CDT1: variants seen among roughly 807,000 people sequenced by gnomAD.
CDT1 encodes DNA replication factor Cdt1.
Under a neutral mutation model 49.3 loss-of-function variants are expected in CDT1, and 66 were observed. The ratio of observed to expected loss-of-function variants is 1.34; its 90% CI spans 1.10 to 1.64. The LOEUF (loss-of-function observed/expected upper bound fraction) is 1.64, where lower values mean the gene tolerates loss of function less well. Ranked by LOEUF, CDT1 falls within the 40% of genes most tolerant of loss-of-function variation. The pLI, the probability that CDT1 is intolerant of heterozygous loss-of-function variation, is 0.00. For synonymous variants in CDT1, 424 were observed against 347.4 expected (o/e 1.22, Z -2.45); for missense variants, 958 against 807.7 (o/e 1.19, Z -2.26).
Position 88,803,946 on chromosome 16 carries a change from G to T in CDT1, c.115G>T (p.Ala39Ser). Residue 39 changes from alanine (A) to serine (S), a missense_variant, in exon 1 of 10, where the codon GCC becomes TCC. Ala to Ser is a moderately conservative substitution (Grantham distance 99). Coordinates refer to ENST00000301019, the MANE Select transcript of CDT1 (RefSeq NM_030928.4). ...TPSPARPALR[A>S]PASATSGSRK... ...CAGCCCCGCCAGGCCCGCACTCCGCGCCCCGGCCTCCGCTACCAGTGGCAG... is the reference window on the plus strand; with the variant it reads ...CAGCCCCGCCAGGCCCGCACTCCGCTCCCCGGCCTCCGCTACCAGTGGCAG... 1 of 1,404,528 alleles carries T rather than the reference G, an allele frequency of 7.1e-7. No homozygotes were observed. The allele number at this position is 1,404,528 out of a possible 1,614,324, so 87.0% of individuals were successfully genotyped here.
At chr16:88,806,989 G>A (rs1908880216) in intron 7 of CDT1, 62 bp from the exon 8 acceptor site, 2 of 1,604,584 alleles carry the variant, frequency 1.2e-6, no homozygotes, top group African/African-American at 2.7e-5. Flanking sequence ...GGACTCCTGG[G>A]CAGACAGCCA....
chr16:88,809,146 C>T lies in CDT1; in HGVS notation c.*868C>T, dbSNP rs1908997567. ...ACACAGGCAGCCTGGAGAAGCTGGG[C>T]AGGACAAGTAGGACATCCCTGGAGC... is the stretch of plus-strand genomic sequence containing the variant. On this transcript the variant is annotated 3_prime_UTR_variant, in exon 10 of 10. Transcript: ENST00000301019. 7.4e-6 allele frequency: 2 copies of T among 270,006 alleles called. No individual in the cohort carries two copies. Among genetic ancestry groups the T allele is most frequent in the South Asian group, 7.4e-5 (2 of 27,136 alleles). The allele number at this position is 270,006 out of a possible 1,614,324, so 16.7% of individuals were successfully genotyped here. A position where few individuals can be genotyped will look rare whatever the true frequency, so the allele number is the denominator to read the frequency against.
At chr16:88,806,291 G>A in intron 6 of CDT1, 170 bp downstream of exon 6, 1 of 963,020 alleles carries the variant, frequency 1.0e-6, no homozygotes, top group Non-Finnish European at 1.6e-6. Context: ...CGCAGGCACT[G>A]AGGAGGTCCC....
intron 2 of CDT1, 32 bp downstream of exon 2, chr16:88,804,699 G>A (rs1908779807): frequency 3.1e-6 from 5 of 1,612,158 alleles, no homozygotes; most frequent in African/African-American, 2.7e-5. Flanking sequence ...AGATGCGGGA[G>A]GGCTGAGTGG....
chr16:88,807,616 G>C (rs1300648466), intron 9 of CDT1, 134 bp downstream of exon 9: 2 of 914,952 alleles, frequency 2.2e-6, no homozygotes, highest in African/African-American at 1.6e-5. Flanking sequence ...CTGGCCTCTT[G>C]CACTGGTGTG....
chr16:88,806,173 C>G, intron 6 of CDT1, 52 bp downstream of exon 6: 1 of 1,422,044 alleles, frequency 7.0e-7, no homozygotes, highest in African/African-American at 1.4e-5. Flanking sequence ...AGCACTGCCT[C>G]AGCACCTAAC....
Position 88,806,536 on chromosome 16 carries a change from G to A in CDT1, c.984G>A (p.Leu328=), listed in dbSNP as rs1908863016. 1.9e-6 allele frequency: 3 copies of A among 1,610,436 alleles called. No homozygotes were observed. The highest frequency in any genetic ancestry group is 1.3e-5 in the African/African-American group (1 of 74,906). The change falls in exon 7 of 10, where the codon CTG becomes CTA. Residue 328 remains leucine, a synonymous_variant. Transcript: ENST00000301019. ...CCATGGTGGTGCCGGAGGACCAGCT[G>A]ACCCGCTGGCACCCGCGCTTCAACG... is the stretch of plus-strand genomic sequence containing the variant. The part of the protein sequence containing the change: ...SPAMVVPEDQ[L]TRWHPRFNVD...
chr16:88,806,785 C>A (rs1335346945), intron 7 of CDT1, 111 bp downstream of exon 7: 2 of 1,393,286 alleles, frequency 1.4e-6, no homozygotes, highest in East Asian at 5.0e-5. Flanking sequence ...CATCTGGCTT[C>A]CTCCTTGGCT....
In CDT1 at chr16:88,808,629, G is replaced by A; in HGVS notation, c.*351G>A. On this transcript the variant is annotated 3_prime_UTR_variant, in exon 10 of 10. Transcript: ENST00000301019. ...GGCAATATGGGGTTGGGTAGTGTGG[G>A]TGGCAGGCCATCCCCTCTAATCTTG... The A allele has an allele frequency of 3.0e-6, 1 of 330,538 alleles. No individual in the cohort carries two copies. The highest frequency in any genetic ancestry group is 5.6e-6 in the Non-Finnish European group (1 of 177,278). 20.5% of individuals were successfully genotyped at this position (330,538 alleles called of 1,614,324 possible). A position where few individuals can be genotyped will look rare whatever the true frequency, so the allele number is the denominator to read the frequency against.
At position 88,807,132 on chromosome 16, in the gene CDT1, A is replaced by T. The variant is rs758571492; in HGVS notation, c.1204A>T (p.Thr402Ser). 7 of 1,611,598 alleles carry T rather than the reference A, an allele frequency of 4.3e-6. No homozygotes were observed. Among genetic ancestry groups the T allele is most frequent in the Non-Finnish European group, 5.9e-6 (7 of 1,179,562 alleles). Residue 402 changes from threonine (T) to serine (S), a missense_variant, in exon 8 of 10, where the codon ACC (threonine) becomes TCC (serine). Thr to Ser is a moderately conservative substitution (Grantham distance 58, BLOSUM62 1). Transcript: ENST00000301019. ...PGSPRPALPATPPATPPAASP... is the reference protein window; with the variant it reads ...PGSPRPALPASPPATPPAASP... ...GTCTCCCAGGCCAGCACTGCCGGCT[A>T]CCCCACCAGCCACCCCGCCTGCAGC... is the stretch of plus-strand genomic sequence containing the variant.
Position 88,808,403 on chromosome 16 carries a change from G to A in CDT1, c.*125G>A, listed in dbSNP as rs1024789712. The A allele has an allele frequency of 4.9e-5, 56 of 1,142,668 alleles. No individual in the cohort carries two copies. Among genetic ancestry groups the A allele is most frequent in the Non-Finnish European group, 6.5e-5 (53 of 813,896 alleles). 70.8% of individuals were successfully genotyped at this position (1,142,668 alleles called of 1,614,324 possible). ...TCCCCAGCGCCCCTGAGGGCCAGAG[G>A]CAGATGTGGGCTGCAGGCTGCACAG... is the stretch of plus-strand genomic sequence containing the variant. On this transcript the variant is annotated 3_prime_UTR_variant, in exon 10 of 10. Transcript: ENST00000301019.
intron 7 of CDT1, 146 bp downstream of exon 7, chr16:88,806,820 T>C: frequency 1.6e-6 from 2 of 1,236,200 alleles, no homozygotes; most frequent in Admixed American, 2.1e-5. Flanking sequence ...GTTGGTGGCA[T>C]TTGCCCTCTG....
chr16:88,808,772 A>G lies in CDT1; in HGVS notation c.*494A>G, dbSNP rs1361229110. 11 of 167,626 alleles carry G rather than the reference A, an allele frequency of 6.6e-5. No homozygotes were observed. In the East Asian group the frequency reaches 8.3e-4, roughly 13 times the overall value. 10.4% of individuals were successfully genotyped at this position (167,626 alleles called of 1,614,324 possible). ...AGCACTTTGGGAGGCCAAGGTGGGC[A>G]GATCACGAGGTCAAGAGATCGAGAC... On this transcript the variant is annotated 3_prime_UTR_variant, in exon 10 of 10. Transcript: ENST00000301019.
intron 3 of CDT1, 28 bp from the exon 4 acceptor site, chr16:88,805,412 T>G: frequency 6.2e-7 from 1 of 1,611,434 alleles, no homozygotes; most frequent in Non-Finnish European, 8.5e-7. Context: ...GCCTACTGCT[T>G]CTCATGAGGC....
rs900968138 is a variant in CDT1 at position 88,803,928 on chromosome 16, G to T, written c.97G>T (p.Ala33Ser). The T allele has an allele frequency of 8.0e-6, 11 of 1,375,810 alleles. No individual in the cohort carries two copies. The highest frequency in any genetic ancestry group is 9.4e-6 in the Non-Finnish European group (10 of 1,062,802). The allele number at this position is 1,375,810 out of a possible 1,614,324, so 85.2% of individuals were successfully genotyped here. The stretch of plus-strand genomic sequence containing the variant: ...GCTGGCCTGCCGCACCCCCAGCCCC[G>T]CCAGGCCCGCACTCCGCGCCCCGGC... ...PKLACRTPSPARPALRAPASA... is the reference protein window; with the variant it reads ...PKLACRTPSPSRPALRAPASA... The change falls in exon 1 of 10, where the codon GCC becomes TCC. Residue 33 changes from alanine (A) to serine (S), a missense_variant. Ala to Ser is a moderately conservative substitution (Grantham distance 99). Transcript: ENST00000301019.
intron 3 of CDT1, among the ~76,000 whole-genome samples, chr16:88,805,186 CT>C (rs1908803669): frequency 6.6e-6 from 1 of 152,250 alleles, no homozygotes; most frequent in South Asian, 2.1e-4. Flanking sequence ...GCTGACGAAA[CT>C]GCGCTGGGGA....
chr16:88,804,844 A>G lies in CDT1; in HGVS notation c.434A>G (p.Gln145Arg), dbSNP rs765088059. ...ARVRALKASA[Q>R]DAGESCTPEA... ...GTCCGGGCGCTGAAGGCCAGTGCCC[A>G]GGATGCTGGGGAGTCCTGCACCCCA... The change falls in exon 3 of 10, where the codon CAG becomes CGG. Residue 145 changes from glutamine to arginine, a missense_variant. Coordinates refer to ENST00000301019, the MANE Select transcript of CDT1 (RefSeq NM_030928.4). 1.9e-6 allele frequency: 3 copies of G among 1,611,184 alleles called. No homozygotes were observed. Among genetic ancestry groups the G allele is most frequent in the African/African-American group, 1.3e-5 (1 of 75,010 alleles).
Position 88,806,643 on chromosome 16 carries a change from T to C in CDT1, c.1091T>C (p.Leu364Pro). 1 of 1,610,948 alleles carries C rather than the reference T, an allele frequency of 6.2e-7. No homozygotes were observed. The highest frequency in any genetic ancestry group is 1.1e-5 in the South Asian group (1 of 90,800). ...TEKLTTAQEV[L>P]ARARNLISPR... Reference sequence around the variant, plus strand: ...AAGCTCACCACTGCTCAGGAGGTGCTGGCCCGGGCCCGCAACCTGATTTCA... The same window carrying C: ...AAGCTCACCACTGCTCAGGAGGTGCCGGCCCGGGCCCGCAACCTGATTTCA... Residue 364 changes from leucine (L) to proline (P), a missense_variant, in exon 7 of 10, where the codon CTG (leucine) becomes CCG (proline). Transcript: ENST00000301019.
In CDT1 at chr16:88,807,405, C is replaced by T. The variant is rs771038378; in HGVS notation, c.1400C>T (p.Ser467Phe). 1 of 1,612,898 alleles carries T rather than the reference C, an allele frequency of 6.2e-7. No homozygotes were observed. Among genetic ancestry groups the T allele is most frequent in the Non-Finnish European group, 8.5e-7 (1 of 1,179,994 alleles). ...LARVLRSVFV[S>F]ERKPALSMEV... is the part of the protein sequence containing the mutation. ...CGCGTGCTGCGGAGCGTCTTTGTGT[C>T]CGAACGCAAGCCTGCGCTCAGCATG... Residue 467 changes from serine to phenylalanine, a missense_variant, in exon 9 of 10, where the codon TCC (serine) becomes TTC (phenylalanine). Physicochemically the swap from Ser to Phe is radical, Grantham distance 155 (BLOSUM62 -2). Transcript: ENST00000301019.
Sources: gnomAD v4.1 joint callset for allele counts (sites outside exome capture counted in the v4.1 genomes callset) on GRCh38, gnomAD v4.1.1 for gene constraint, MANE v1.5 for transcripts, NCBI Gene and HGNC (gene_info 2026-07-23, HGNC 2026-07-21) for gene names.